The following SEMA4F variants were observed in gnomAD, a reference collection of about 807,000 sequenced individuals.
The protein encoded by SEMA4F is ssemaphorin 4F.
A neutral mutation model predicts 78.4 loss-of-function variants in SEMA4F; 51 were observed. The ratio of observed to expected loss-of-function variants is 0.65; its 90% CI spans 0.52 to 0.82. SEMA4F has a LOEUF of 0.82. Among genes scored for constraint, SEMA4F ranks in the 40% least tolerant of loss-of-function variants. SEMA4F has a pLI of 0.00. For synonymous variants in SEMA4F, 418 were observed against 408.7 expected, an observed-to-expected ratio of 1.02 and a Z score of -0.27; for missense variants, 938 against 1,014.4, an observed-to-expected ratio of 0.92 and a Z score of 1.02.
intron 2 of SEMA4F, 62 bp downstream of exon 2, chr2:74,656,747 A>G (rs1684166368): frequency 7.0e-6 from 11 of 1,563,124 alleles, no homozygotes; most frequent in Non-Finnish European, 9.7e-6. Flanking sequence ...CTATGATTTT[A>G]TGAGTGTGTG....
intron 4 of SEMA4F, among the ~76,000 whole-genome samples, chr2:74,661,616 G>A (rs1330829987): frequency 2.6e-5 from 4 of 152,158 alleles, no homozygotes; most frequent in Non-Finnish European, 5.9e-5. Flanking sequence ...TGCCTCTGTG[G>A]AGTCCTCCAT....
chr2:74,687,732 C>T (rs1279023090), downstream of SEMA4F, among the ~76,000 whole-genome samples: 6 of 152,198 alleles, frequency 3.9e-5, no homozygotes, highest in Non-Finnish European at 5.9e-5. Context: ...CTCATAGACT[C>T]ATGGTTTTCA....
the SEMA4F span, among the ~76,000 whole-genome samples, chr2:74,705,730 AT>A: frequency 6.6e-6 from 1 of 152,022 alleles, no homozygotes; most frequent in African/African-American, 2.4e-5. Flanking sequence ...TGCCTAGCTA[AT>A]TTTTAATTTT....
chr2:74,699,788 G>A, the SEMA4F span, among the ~76,000 whole-genome samples: 1 of 152,186 alleles, frequency 6.6e-6, no homozygotes, highest in Admixed American at 6.5e-5. Context: ...AATAGGGATA[G>A]CAGTGATGTC....
chr2:74,654,683 C>A (rs780386502), intron 1 of SEMA4F, among the ~76,000 whole-genome samples, 162 bp downstream of exon 1: 1 of 152,120 alleles, frequency 6.6e-6, no homozygotes, highest in African/African-American at 2.4e-5. Context: ...CTTCGCACTT[C>A]ACCGCATCCT....
chr2:74,708,603 C>G, the SEMA4F span, among the ~76,000 whole-genome samples: 2 of 152,090 alleles, frequency 1.3e-5, no homozygotes, highest in African/African-American at 4.8e-5. Flanking sequence ...CAGACAGGGC[C>G]TGCTAAAACA....
intron 4 of SEMA4F, among the ~76,000 whole-genome samples, chr2:74,659,382 G>T (rs892846350): frequency 1.3e-5 from 2 of 152,174 alleles, no homozygotes. Context: ...TGGGACTCTA[G>T]TGGTTGTTAC....
At chr2:74,665,228 CTTTTTTTTT>C (rs11348861) in intron 5 of SEMA4F, among the ~76,000 whole-genome samples, 2 of 128,678 alleles carry the variant, frequency 1.6e-5, no homozygotes, top group African/African-American at 5.9e-5. Context: ...CACTCTTTTT[CTTTTTTTTT>C]TTTTTTTTTT....
chr2:74,674,404 C>A, intron 7 of SEMA4F, 94 bp from the exon 8 acceptor site: 1 of 1,150,114 alleles, frequency 8.7e-7, no homozygotes, highest in Non-Finnish European at 1.2e-6. Context: ...TGTCTGTCTG[C>A]CCTGAAGTCA....
intron 11 of SEMA4F, 27 bp downstream of exon 11, chr2:74,675,661 T>C (rs371047049): frequency 4.2e-5 from 67 of 1,612,784 alleles, no homozygotes; most frequent in African/African-American, 2.1e-4. Context: ...GGAGAGTCTA[T>C]TGGGGAGACA....
At chr2:74,671,423 C>T (rs1444963621) in intron 5 of SEMA4F, among the ~76,000 whole-genome samples, 1 of 152,228 alleles carries the variant, frequency 6.6e-6, no homozygotes, top group East Asian at 1.9e-4. Flanking sequence ...CTGCTTCCCC[C>T]AGTGTGCATG....
At chr2:74,675,724 C>CCCCTT in intron 11 of SEMA4F, 25 bp from the exon 12 acceptor site, 1 of 1,613,490 alleles carries the variant, frequency 6.2e-7, no homozygotes, top group Non-Finnish European at 8.5e-7. Flanking sequence ...CCAGTGTATT[C>CCCCTT]CCCTTCCCCA....
intron 1 of SEMA4F, 98 bp from the exon 2 acceptor site, chr2:74,656,436 A>T: frequency 8.4e-7 from 1 of 1,195,280 alleles, no homozygotes; most frequent in Non-Finnish European, 1.2e-6. Context: ...AATAAATGGT[A>T]CTTGGAAGAA....
Position 74,680,284 on chromosome 2 carries a change from G to T in SEMA4F, c.*75G>T. ...CCACTGAGATGCTGGGGGTCACTGG[G>T]CCTGGAAGACCATCCCAGCCTCTGA... On this transcript the variant is annotated 3_prime_UTR_variant, in exon 14 of 14. Coordinates refer to ENST00000357877, the MANE Select transcript of SEMA4F (RefSeq NM_004263.5). The T allele has an allele frequency of 6.7e-7, 1 of 1,486,390 alleles. No individual in the cohort carries two copies. Among genetic ancestry groups the T allele is most frequent in the Non-Finnish European group, 9.0e-7 (1 of 1,109,778 alleles). The allele number at this position is 1,486,390 out of a possible 1,614,324, so 92.1% of individuals were successfully genotyped here.
rs182738007 is a variant in SEMA4F at position 74,654,711 on chromosome 2, G to T, written c.145+190G>T. On this transcript the variant is annotated intron_variant, in intron 1 of 13. Coordinates refer to ENST00000357877, the MANE Select transcript of SEMA4F (RefSeq NM_004263.5). The stretch of plus-strand genomic sequence containing the variant: ...CGCATCCTCTCTGCATCCCTCCCGC[G>T]CCCCTCAGCCCCTCATCCCCAGCCC... Among the ~76,000 whole-genome samples, 12 of 151,904 alleles carry T rather than the reference G, an allele frequency of 7.9e-5. No homozygotes were observed. The East Asian group carries it at 2.4e-3, about 30-fold the overall frequency.
intron 5 of SEMA4F, among the ~76,000 whole-genome samples, chr2:74,667,690 G>C (rs1684767036): frequency 6.6e-6 from 1 of 152,256 alleles, no homozygotes; most frequent in South Asian, 2.1e-4. Context: ...GGAAAAATAT[G>C]AATATTTTGA....
chr2:74,669,433 A>T (rs1233162260), intron 5 of SEMA4F, among the ~76,000 whole-genome samples: 1 of 151,718 alleles, frequency 6.6e-6, no homozygotes, highest in Non-Finnish European at 1.5e-5. Flanking sequence ...AAAATACAAA[A>T]ATTAGCTGGG....
intron 5 of SEMA4F, 117 bp from the exon 6 acceptor site, chr2:74,673,340 C>T: frequency 8.0e-7 from 1 of 1,248,392 alleles, no homozygotes; most frequent in Non-Finnish European, 1.1e-6. Flanking sequence ...GTCTGGCACT[C>T]ATGGGTGTTT....
chr2:74,699,808 A>C, the SEMA4F span, among the ~76,000 whole-genome samples: 35,780 of 152,064 alleles, frequency 0.24, 5,878 homozygotes, highest in East Asian at 0.82. Context: ...CTAATATAGC[A>C]GAGGCCCAGG....
Sources: allele counts gnomAD v4.1 joint callset (sites outside exome capture counted in the v4.1 genomes callset), GRCh38; gene constraint gnomAD v4.1.1; transcripts MANE v1.5; gene names NCBI Gene and HGNC (gene_info 2026-07-23, HGNC 2026-07-21).